The following DDX46 variants were observed in gnomAD, a reference collection of about 807,000 sequenced individuals.
DDX46 encodes probable ATP-dependent RNA helicase DDX46.
DDX46 carries 30 observed loss-of-function variants against 134.9 expected under a neutral mutation model. The observed-to-expected ratio is 0.22, with a 90% CI of 0.17 to 0.30. DDX46 has a LOEUF of 0.30. Among genes scored for constraint, DDX46 ranks in the 10% least tolerant of loss-of-function variants. The pLI, the probability that DDX46 is intolerant of heterozygous loss-of-function variation, is 1.00. For missense variants in DDX46, 622 were observed against 1,248.7 expected (o/e 0.50, Z 7.56); for synonymous variants, 415 against 404.1 (o/e 1.03, Z -0.32).
Position 134,818,897 on chromosome 5 carries a change from A to G in DDX46, c.2870A>G (p.Gln957Arg). 6.2e-7 allele frequency: 1 copy of G among 1,613,734 alleles called. No homozygotes were observed. The highest frequency in any genetic ancestry group is 8.5e-7 in the Non-Finnish European group (1 of 1,179,870). ...AAAGTTACCTCTAAGGAAGCTCTGC[A>G]GAGAATCAGTGAATACTCTGAAGCC... is the stretch of plus-strand genomic sequence containing the variant. Reference protein sequence around the residue: ...RWKVTSKEALQRISEYSEAAI... With the variant: ...RWKVTSKEALRRISEYSEAAI... Residue 957 changes from glutamine to arginine, a missense_variant, in exon 21 of 23, where the codon CAG (glutamine) becomes CGG (arginine). Gln to Arg is a conservative substitution (Grantham distance 43, BLOSUM62 1). Around this residue, in one of 8 missense-constraint regions of DDX46, gnomAD observed 76 missense variants for 213.0 expected, o/e 0.36. Transcript: ENST00000452510.
chr5:134,813,636 T>G (rs1334936509), intron 18 of DDX46, among the ~76,000 whole-genome samples: 1 of 152,108 alleles, frequency 6.6e-6, no homozygotes, highest in African/African-American at 2.4e-5. Context: ...TTGTCTTGTT[T>G]TGTTTTGTTT....
At chr5:134,817,813 T>C (rs539009118) in intron 20 of DDX46, 99 bp downstream of exon 20, 1 of 961,808 alleles carries the variant, frequency 1.0e-6, no homozygotes, top group African/African-American at 1.7e-5. Flanking sequence ...TAATAGCTCC[T>C]TCACTCTTTA....
chr5:134,766,781 T>G (rs1345255665), intron 2 of DDX46, 136 bp from the exon 3 acceptor site: 1 of 1,045,856 alleles, frequency 9.6e-7, no homozygotes, highest in Non-Finnish European at 1.3e-6. Context: ...CTTATAAGAC[T>G]TGGCTTTACT....
rs34340470 is a variant in DDX46 at position 134,768,109 on chromosome 5, A to AT, written c.350+1065dup. 1.7e-3 allele frequency among the ~76,000 whole-genome samples: 237 copies of AT among 141,826 alleles called. No individual in the cohort carries two copies. The Middle Eastern group carries it at 0.026, about 15-fold the overall frequency. The allele number at this position is 141,826 out of a possible 152,430, so 93.0% of individuals were successfully genotyped here. ...AGAGGTGATGATGTAATAAGTGAAGATTTTTTTTTTTTTTTTAACAGCCAA... is the reference window on the plus strand; with the variant it reads ...AGAGGTGATGATGTAATAAGTGAAGATTTTTTTTTTTTTTTTTAACAGCCAA... On this transcript the variant is annotated intron_variant, in intron 3 of 22. Coordinates refer to ENST00000452510, the MANE Select transcript of DDX46 (RefSeq NM_001300860.2).
intron 2 of DDX46, 128 bp from the exon 3 acceptor site, chr5:134,766,789 A>G (rs1454342017): frequency 1.8e-6 from 2 of 1,121,366 alleles, no homozygotes; most frequent in Non-Finnish European, 2.5e-6. Context: ...ACTTGGCTTT[A>G]CTTCATTGAG....
chr5:134,828,285 AGTGG>A lies in DDX46; in HGVS notation c.3052-371_3052-368del, dbSNP rs138548535. Among the ~76,000 whole-genome samples the A allele has an allele frequency of 4.1e-4, 62 of 152,268 alleles. 2 individuals are homozygous for A. The East Asian group carries it at 0.012, about 29-fold the overall frequency. ...GGGGGTGGTTAGAAGTTTAATGAAAAGTGGGTTCACAAAACAAGAGGGAAAAAGT... is the reference window on the plus strand; with the variant it reads ...GGGGGTGGTTAGAAGTTTAATGAAAAGTTCACAAAACAAGAGGGAAAAAGT... On this transcript the variant is annotated intron_variant, in intron 22 of 22. Transcript: ENST00000452510.
rs1168956692 is a variant in DDX46 at position 134,816,598 on chromosome 5, T to C, written c.2605T>C (p.Ser869Pro). 2 of 1,612,768 alleles carry C rather than the reference T, an allele frequency of 1.2e-6. No homozygotes were observed. The highest frequency in any genetic ancestry group is 1.1e-5 in the South Asian group (1 of 90,796). ...INAQKNLGIE[S>P]QVDVMQQATN... ...TGCCCAGAAGAATTTGGGCATCGAGTCTCAGGTATTAAGTAATTTGTTCCA... is the reference window on the plus strand; with the variant it reads ...TGCCCAGAAGAATTTGGGCATCGAGCCTCAGGTATTAAGTAATTTGTTCCA... The change falls in exon 19 of 23, where the codon TCT (serine) becomes CCT (proline). Residue 869 changes from serine (S) to proline (P), a missense_variant. Coordinates refer to ENST00000452510, the MANE Select transcript of DDX46 (RefSeq NM_001300860.2).
intron 3 of DDX46, 63 bp from the exon 4 acceptor site, chr5:134,770,840 A>G: frequency 7.1e-7 from 1 of 1,418,190 alleles, no homozygotes; most frequent in South Asian, 1.3e-5. Flanking sequence ...AAAGTATTTA[A>G]AAATGAATGT....
At position 134,784,361 on chromosome 5, in the gene DDX46, T is replaced by C. The variant is rs371249189; in HGVS notation, c.1167-5T>C. 132 of 1,593,646 alleles carry C rather than the reference T, an allele frequency of 8.3e-5. No individual in the cohort carries two copies. The highest frequency in any genetic ancestry group is 5.0e-4 in the Middle Eastern group (3 of 5,942). ...ACCTTTTCTTCCTTTGGTTTTCTTT[T>C]TAAGGCATGGCTATGAAAAGCCCAC... is the stretch of plus-strand genomic sequence containing the variant. On this transcript the variant is annotated splice_region_variant and splice_polypyrimidine_tract_variant and intron_variant, in intron 9 of 22. Coordinates refer to ENST00000452510, the MANE Select transcript of DDX46 (RefSeq NM_001300860.2).
Position 134,776,655 on chromosome 5 carries a change from G to A in DDX46, c.614-919G>A, listed in dbSNP as rs1312901803. ...CATTTAGCTGGGTGCAGTGGCTCAC[G>A]CCTGTAATCCCAACACTTTGGGAGG... On this transcript the variant is annotated intron_variant, in intron 5 of 22. Coordinates refer to ENST00000452510, the MANE Select transcript of DDX46 (RefSeq NM_001300860.2). 3.3e-5 allele frequency among the ~76,000 whole-genome samples: 5 copies of A among 152,186 alleles called. No homozygotes were observed. In the East Asian group the frequency reaches 5.8e-4, roughly 18 times the overall value.
At chr5:134,822,828 C>CA in intron 21 of DDX46, among the ~76,000 whole-genome samples, 1 of 152,172 alleles carries the variant, frequency 6.6e-6, no homozygotes, top group East Asian at 1.9e-4. Flanking sequence ...CCTCCTGCCT[C>CA]AGCCTCCCAA....
intron 16 of DDX46, among the ~76,000 whole-genome samples, chr5:134,809,276 C>T (rs893802951): frequency 2.0e-5 from 3 of 152,152 alleles, no homozygotes; most frequent in African/African-American, 4.8e-5. Flanking sequence ...TATATATGTT[C>T]ATAACCCTAT....
chr5:134,815,760 T>C (rs921565902), intron 18 of DDX46, among the ~76,000 whole-genome samples: 5 of 148,756 alleles, frequency 3.4e-5, no homozygotes, highest in African/African-American at 1.2e-4. Context: ...AGGGCTCATG[T>C]GACTCCTGTC....
chr5:134,793,730 A>G (rs1754574683), intron 13 of DDX46, among the ~76,000 whole-genome samples: 1 of 152,108 alleles, frequency 6.6e-6, no homozygotes, highest in Non-Finnish European at 1.5e-5. Flanking sequence ...TGAATTTAGT[A>G]ATGTGGTAAC....
intron 2 of DDX46, among the ~76,000 whole-genome samples, chr5:134,764,688 G>C (rs1753504740): frequency 1.3e-5 from 2 of 152,150 alleles, no homozygotes; most frequent in Non-Finnish European, 2.9e-5. Context: ...AAAAAGTAAA[G>C]TAATAAGTTA....
rs1026640965 is a variant in DDX46 at position 134,829,340 on chromosome 5, CAAAG to C, written c.*636_*639del. 3.2e-4 allele frequency: 48 copies of C among 152,266 alleles called. No homozygotes were observed. The highest frequency in any genetic ancestry group is 1.1e-3 in the African/African-American group (45 of 41,554). The allele number at this position is 152,266 out of a possible 1,614,324, so 9.4% of individuals were successfully genotyped here. On this transcript the variant is annotated 3_prime_UTR_variant, in exon 23 of 23. Coordinates refer to ENST00000452510, the MANE Select transcript of DDX46 (RefSeq NM_001300860.2). ...TCTTTACACTGAGTGTAAAACTCTA[CAAAG>C]AGTTATAGTATTTACTACTTTGAGG...
At chr5:134,823,988 G>T (rs1392426973) in intron 21 of DDX46, among the ~76,000 whole-genome samples, 2 of 152,110 alleles carry the variant, frequency 1.3e-5, no homozygotes, top group Admixed American at 6.6e-5. Flanking sequence ...CTTTGAAAAA[G>T]AATTCTTTTC....
intron 1 of DDX46, among the ~76,000 whole-genome samples, chr5:134,760,920 G>A (rs1270291122): frequency 2.0e-5 from 3 of 152,000 alleles, no homozygotes; most frequent in South Asian, 2.1e-4. Flanking sequence ...TAGTAGAGAC[G>A]GGGTTTCACC....
chr5:134,803,918 CTT>C (rs201944776), intron 15 of DDX46, among the ~76,000 whole-genome samples: 17 of 94,892 alleles, frequency 1.8e-4, no homozygotes, highest in Non-Finnish European at 3.0e-4. Context: ...GATGATTCTT[CTT>C]TTTTTTTTTT....
Sources: gnomAD v4.1 joint callset for allele counts (sites outside exome capture counted in the v4.1 genomes callset) on GRCh38, gnomAD v4.1.1 for gene constraint, gnomAD v4.1.1 regional missense constraint, MANE v1.5 for transcripts, NCBI Gene and HGNC (gene_info 2026-07-23, HGNC 2026-07-21) for gene names.